The following DPP10 variants were observed in gnomAD, a reference collection of about 807,000 sequenced individuals.
The protein encoded by DPP10 is dipeptidyl peptidase like 10.
A neutral mutation model predicts 120.9 loss-of-function variants in DPP10; 33 were observed. The ratio of observed to expected loss-of-function variants is 0.27; its 90% CI spans 0.21 to 0.37. DPP10 has a LOEUF of 0.37. DPP10 is among the 10% of genes least tolerant of loss of function. DPP10 has a pLI of 1.00. For synonymous variants in DPP10, 337 were observed against 326.1 expected, an observed-to-expected ratio of 1.03 and a Z score of -0.36; for missense variants, 816 against 942.8, an observed-to-expected ratio of 0.87 and a Z score of 1.76.
At chr2:114,837,431 C>G (rs954133954) in intron 1 of DPP10, among the ~76,000 whole-genome samples, 1 of 152,100 alleles carries the variant, frequency 6.6e-6, no homozygotes, top group Admixed American at 6.6e-5. Flanking sequence ...TTTATCTTTT[C>G]CTCACAACAG....
chr2:115,252,352 G>GAAAA (rs2058792522), intron 1 of DPP10, among the ~76,000 whole-genome samples: 1 of 152,130 alleles, frequency 6.6e-6, no homozygotes, highest in South Asian at 2.1e-4. Flanking sequence ...AATAATTCCA[G>GAAAA]TGAGTACTTT....
At chr2:115,405,253 A>T (rs550038064) in intron 3 of DPP10, among the ~76,000 whole-genome samples, 1 of 152,354 alleles carries the variant, frequency 6.6e-6, no homozygotes, top group African/African-American at 2.4e-5. Flanking sequence ...AAGAAAAATC[A>T]GCCCAAAGTA....
At chr2:115,767,655 G>A (rs1219631311) in intron 12 of DPP10, among the ~76,000 whole-genome samples, 2 of 151,948 alleles carry the variant, frequency 1.3e-5, no homozygotes, top group African/African-American at 4.8e-5. Context: ...CCACCAGAGT[G>A]TAATTAAAAA....
chr2:115,093,785 CT>C (rs1323942065), intron 1 of DPP10, among the ~76,000 whole-genome samples: 1 of 152,002 alleles, frequency 6.6e-6, no homozygotes, highest in African/African-American at 2.4e-5. Flanking sequence ...AAAATGTCAA[CT>C]AGTATTTTAT....
chr2:115,701,812 T>C (rs1374592578), intron 7 of DPP10, among the ~76,000 whole-genome samples: 1 of 151,988 alleles, frequency 6.6e-6, no homozygotes, highest in Non-Finnish European at 1.5e-5. Context: ...GCAATGAACC[T>C]AGATATCAAA....
intron 1 of DPP10, among the ~76,000 whole-genome samples, chr2:114,935,241 T>G (rs927152078): frequency 6.6e-6 from 1 of 151,622 alleles, no homozygotes; most frequent in East Asian, 2.0e-4. Context: ...CGTCATCGTT[T>G]CCCTTCTGTT....
intron 1 of DPP10, among the ~76,000 whole-genome samples, chr2:115,232,009 T>G (rs918667598): frequency 6.6e-6 from 1 of 152,200 alleles, no homozygotes; most frequent in African/African-American, 2.4e-5. Flanking sequence ...TGCTTCCACA[T>G]AAGCCCCTTC....
intron 1 of DPP10, among the ~76,000 whole-genome samples, chr2:114,719,898 C>A (rs1701596771): frequency 6.6e-6 from 1 of 152,124 alleles, no homozygotes; most frequent in Admixed American, 6.6e-5. Context: ...CATACAGTGG[C>A]CTGGGATAAA....
At chr2:114,712,860 C>T (rs1307667980) in intron 1 of DPP10, among the ~76,000 whole-genome samples, 3 of 151,962 alleles carry the variant, frequency 2.0e-5, no homozygotes, top group African/African-American at 7.2e-5. Flanking sequence ...ATTTAACATG[C>T]CATTTAGAGT....
intron 3 of DPP10, among the ~76,000 whole-genome samples, chr2:115,408,982 G>A (rs186825531): frequency 8.8e-4 from 134 of 151,768 alleles, no homozygotes; most frequent in African/African-American, 3.2e-3. Flanking sequence ...GAAAAAGAAA[G>A]TAGAAAAGGA....
chr2:115,085,381 G>A (rs544326812), intron 1 of DPP10, among the ~76,000 whole-genome samples: 1 of 152,134 alleles, frequency 6.6e-6, no homozygotes, highest in Admixed American at 6.5e-5. Flanking sequence ...TACCTTTGCT[G>A]GAGCAGGTTA....
intron 1 of DPP10, among the ~76,000 whole-genome samples, chr2:114,875,245 A>C (rs1021371403): frequency 6.6e-6 from 1 of 152,102 alleles, no homozygotes; most frequent in Non-Finnish European, 1.5e-5. Flanking sequence ...TGAATCCCAT[A>C]ATGGGAAGGG....
chr2:114,837,861 C>T (rs1400866072), intron 1 of DPP10, among the ~76,000 whole-genome samples: 1 of 152,216 alleles, frequency 6.6e-6, no homozygotes, highest in East Asian at 1.9e-4. Context: ...CAATGTCCAT[C>T]TATTGCAGGT....
chr2:114,541,172 A>G (rs879796481), intron 1 of DPP10, among the ~76,000 whole-genome samples: 2 of 151,968 alleles, frequency 1.3e-5, no homozygotes, highest in Admixed American at 6.6e-5. Context: ...TTTCGCAACT[A>G]CTCTGTATTT....
intron 5 of DPP10, among the ~76,000 whole-genome samples, chr2:115,619,660 A>G (rs1026787249): frequency 1.3e-5 from 2 of 152,126 alleles, no homozygotes; most frequent in Admixed American, 6.6e-5. Flanking sequence ...TGTCACATAC[A>G]CTGTCAGGTT....
At chr2:115,113,076 G>A (rs553416617) in intron 1 of DPP10, among the ~76,000 whole-genome samples, 3 of 151,524 alleles carry the variant, frequency 2.0e-5, no homozygotes, top group South Asian at 4.2e-4. Flanking sequence ...ACTAAGTTAC[G>A]TGTGTGTGTG....
At chr2:115,285,544 A>G (rs1423232868) in intron 1 of DPP10, among the ~76,000 whole-genome samples, 1 of 152,100 alleles carries the variant, frequency 6.6e-6, no homozygotes, top group Non-Finnish European at 1.5e-5. Flanking sequence ...AAGGCAACCC[A>G]TTGTTAGATG....
Position 115,379,577 on chromosome 2 carries a change from T to C in DPP10, c.271+35665T>C, listed in dbSNP as rs566153770. ...TTCAGTTCTGCTCTGATTTTAGTTA[T>C]TTCTTGCCTTCTGCTAGCTTTTGAA... On this transcript the variant is annotated intron_variant, in intron 3 of 25. Transcript: ENST00000410059. Among the ~76,000 whole-genome samples the C allele has an allele frequency of 1.2e-3, 182 of 152,228 alleles. 2 individuals are homozygous for C. The highest frequency in any genetic ancestry group is 4.1e-3 in the African/African-American group (169 of 41,542).
intron 1 of DPP10, among the ~76,000 whole-genome samples, chr2:115,090,094 A>C (rs1208337452): frequency 6.6e-6 from 1 of 150,846 alleles, no homozygotes; most frequent in Non-Finnish European, 1.5e-5. Flanking sequence ...ATCCACAATT[A>C]TTCCCTTTTA....
Sources: allele counts gnomAD v4.1 joint callset (sites outside exome capture counted in the v4.1 genomes callset), GRCh38; gene constraint gnomAD v4.1.1; transcripts MANE v1.5; gene names NCBI Gene and HGNC (gene_info 2026-07-23, HGNC 2026-07-21).